NBEA: variants seen among roughly 807,000 people sequenced by gnomAD.
The protein encoded by NBEA is neurobeachin, also known as lysosomal-trafficking regulator 2.
NBEA carries 44 observed loss-of-function variants against 343.4 expected under a neutral mutation model. The ratio of observed to expected loss-of-function variants is 0.13; its 90% CI spans 0.10 to 0.16. The LOEUF is 0.16. NBEA is among the 10% of genes least tolerant of loss of function. The pLI is 1.00. For synonymous variants in NBEA, 1,175 were observed against 1,238.7 expected, an observed-to-expected ratio of 0.95 and a Z score of 1.08; for missense variants, 2,555 against 3,631.3, an observed-to-expected ratio of 0.70 and a Z score of 7.62.
chr13:35,232,607 C>T lies in NBEA; in HGVS notation c.5764C>T (p.Leu1922=). Residue 1922 remains leucine, a synonymous_variant, in exon 34 of 59, where the codon CTA becomes TTA. Transcript: ENST00000379939. ...RTLLGSHGQE[L]LIEGLVCMKS... ...ACTTCTTGGCAGTCATGGACAAGAG[C>T]TATTGATAGAAGGTATGATTTCTCT... The T allele has an allele frequency of 1.3e-6, 2 of 1,514,738 alleles. No individual in the cohort carries two copies. Among genetic ancestry groups the T allele is most frequent in the Non-Finnish European group, 1.8e-6 (2 of 1,120,398 alleles). The allele number at this position is 1,514,738 out of a possible 1,614,324, so 93.8% of individuals were successfully genotyped here.
intron 1 of NBEA, among the ~76,000 whole-genome samples, chr13:34,982,296 T>G (rs2060383109): frequency 1.3e-5 from 2 of 151,668 alleles, no homozygotes; most frequent in Admixed American, 1.3e-4. Context: ...GATTTTGTTG[T>G]TATTGATTTT....
At chr13:35,273,096 A>G (rs889660789) in intron 34 of NBEA, among the ~76,000 whole-genome samples, 2 of 152,150 alleles carry the variant, frequency 1.3e-5, no homozygotes, top group African/African-American at 4.8e-5. Flanking sequence ...TGACCACATA[A>G]TTGGAAGTAA....
At chr13:35,361,030 T>C (rs1318457434) in intron 38 of NBEA, among the ~76,000 whole-genome samples, 3 of 151,968 alleles carry the variant, frequency 2.0e-5, no homozygotes, top group Non-Finnish European at 4.4e-5. Flanking sequence ...ATAAATACAA[T>C]TATCCAATTA....
chr13:34,943,702 A>G (rs2059103143), intron 1 of NBEA, among the ~76,000 whole-genome samples: 1 of 152,210 alleles, frequency 6.6e-6, no homozygotes, highest in African/African-American at 2.4e-5. Flanking sequence ...CCTCCATCTC[A>G]GAAGCAGCCG....
At chr13:35,289,939 T>G (rs2152817675) in intron 34 of NBEA, among the ~76,000 whole-genome samples, 1 of 151,962 alleles carries the variant, frequency 6.6e-6, no homozygotes, top group Non-Finnish European at 1.5e-5. Flanking sequence ...GTAAATTAAT[T>G]TTGTCTTTTG....
chr13:35,338,294 A>G (rs2039384518), intron 36 of NBEA, among the ~76,000 whole-genome samples: 1 of 152,010 alleles, frequency 6.6e-6, no homozygotes, highest in Non-Finnish European at 1.5e-5. Context: ...TAATGAAAGA[A>G]AAAAGATTAT....
At chr13:35,370,980 A>G (rs2041398593) in intron 38 of NBEA, among the ~76,000 whole-genome samples, 1 of 151,794 alleles carries the variant, frequency 6.6e-6, no homozygotes, top group Non-Finnish European at 1.5e-5. Context: ...GAAATCCCTT[A>G]CTAGTCTGAT....
chr13:35,335,081 A>G (rs1172634587), intron 36 of NBEA, among the ~76,000 whole-genome samples: 1 of 152,118 alleles, frequency 6.6e-6, no homozygotes, highest in African/African-American at 2.4e-5. Flanking sequence ...ATGGATATCC[A>G]GTTTTCCCCA....
intron 33 of NBEA, among the ~76,000 whole-genome samples, chr13:35,223,264 GT>G (rs1187359994): frequency 6.6e-6 from 1 of 152,132 alleles, no homozygotes; most frequent in Non-Finnish European, 1.5e-5. Context: ...GTATAAATCT[GT>G]TTTTGTCTGG....
intron 41 of NBEA, among the ~76,000 whole-genome samples, chr13:35,547,370 G>T (rs780139153): frequency 1.3e-5 from 2 of 152,038 alleles, no homozygotes; most frequent in African/African-American, 4.8e-5. Flanking sequence ...CTGATCTTAG[G>T]TTCCTTTTTT....
chr13:35,584,760 A>G (rs904276728), intron 46 of NBEA, among the ~76,000 whole-genome samples: 8 of 152,068 alleles, frequency 5.3e-5, no homozygotes, highest in Admixed American at 5.2e-4. Context: ...TTGGCCTCCC[A>G]AAGTACTGGG....
At position 35,432,265 on chromosome 13, in the gene NBEA, T is replaced by C; in HGVS notation, c.6180-4T>C. ...GGGATTACTTTTTTTCCCTCTACTC[T>C]TAGCCAATTGCATGATTTCTGGCGT... On this transcript the variant is annotated splice_region_variant and splice_polypyrimidine_tract_variant and intron_variant, in intron 38 of 58. Coordinates refer to ENST00000379939, the MANE Select transcript of NBEA (RefSeq NM_001385012.1). 2.5e-6 allele frequency: 4 copies of C among 1,596,308 alleles called. No individual in the cohort carries two copies. Among genetic ancestry groups the C allele is most frequent in the Non-Finnish European group, 3.4e-6 (4 of 1,170,162 alleles).
chr13:35,026,973 A>T (rs1024914983), intron 1 of NBEA, among the ~76,000 whole-genome samples: 1 of 152,058 alleles, frequency 6.6e-6, no homozygotes, highest in Non-Finnish European at 1.5e-5. Flanking sequence ...TCATTTAGAG[A>T]ATGTTCCATA....
intron 27 of NBEA, among the ~76,000 whole-genome samples, chr13:35,175,562 A>T (rs1345012965): frequency 6.6e-6 from 1 of 152,202 alleles, no homozygotes; most frequent in Non-Finnish European, 1.5e-5. Context: ...TATGGACAGA[A>T]AAGCCCAGTG....
chr13:35,486,808 T>G (rs2076318631), intron 41 of NBEA, among the ~76,000 whole-genome samples: 1 of 152,052 alleles, frequency 6.6e-6, no homozygotes, highest in Admixed American at 6.6e-5. Flanking sequence ...ATTTTAATTT[T>G]ATAAGGATAA....
intron 39 of NBEA, 130 bp downstream of exon 39, chr13:35,432,523 T>C: frequency 1.3e-6 from 1 of 795,092 alleles, no homozygotes. Context: ...TATTTTGTTC[T>C]GCTTTATCCT....
intron 49 of NBEA, among the ~76,000 whole-genome samples, chr13:35,641,198 C>T (rs1316505452): frequency 6.6e-6 from 1 of 152,084 alleles, no homozygotes; most frequent in South Asian, 2.1e-4. Context: ...TTATTTACAG[C>T]TTCGACCATT....
chr13:35,078,363 A>G (rs2064213297), intron 10 of NBEA, among the ~76,000 whole-genome samples: 1 of 152,196 alleles, frequency 6.6e-6, no homozygotes, highest in African/African-American at 2.4e-5. Context: ...GTTTTTTCAT[A>G]ACTGGTTGTG....
intron 41 of NBEA, among the ~76,000 whole-genome samples, chr13:35,542,165 C>T (rs1045954897): frequency 3.3e-5 from 5 of 150,752 alleles, no homozygotes; most frequent in African/African-American, 4.9e-5. Context: ...CCCCCCCCAC[C>T]GCATACCCAT....
Sources: allele counts gnomAD v4.1 joint callset (sites outside exome capture counted in the v4.1 genomes callset), GRCh38; gene constraint gnomAD v4.1.1; transcripts MANE v1.5; gene names NCBI Gene and HGNC (gene_info 2026-07-23, HGNC 2026-07-21).